Variants in ARHGEF18 observed in about 807,000 individuals in gnomAD.
The protein encoded by ARHGEF18 is Rho/Rac guanine nucleotide exchange factor 18, also known as rho guanine nucleotide exchange factor 18.
In ARHGEF18, 93 loss-of-function variants were observed where a neutral mutation model predicts 155.7. That is an observed-to-expected ratio of 0.60 (90% confidence interval 0.50 to 0.71). The LOEUF (loss-of-function observed/expected upper bound fraction) is 0.71, where lower values mean the gene tolerates loss of function less well. Ranked by LOEUF, ARHGEF18 falls within the 30% of genes least tolerant of loss-of-function variation. The pLI, the probability that ARHGEF18 is intolerant of heterozygous loss-of-function variation, is 0.00. For missense variants in ARHGEF18, 1,593 were observed against 1,816.1 expected, an observed-to-expected ratio of 0.88 and a Z score of 2.23; for synonymous variants, 742 against 753.1, an observed-to-expected ratio of 0.99 and a Z score of 0.24.
At chr19:7,451,444 T>C (rs996226993) in intron 16 of ARHGEF18, among the ~76,000 whole-genome samples, 178 bp downstream of exon 16, 3 of 148,524 alleles carry the variant, frequency 2.0e-5, no homozygotes, top group African/African-American at 7.4e-5. Flanking sequence ...AGTCTCACTC[T>C]GTTGCCCAGG....
intron 10 of ARHGEF18, among the ~76,000 whole-genome samples, chr19:7,407,745 G>A (rs1053957217): frequency 1.1e-4 from 17 of 151,930 alleles, no homozygotes; most frequent in Admixed American, 2.6e-4. Flanking sequence ...GGCGGATCAC[G>A]AGGTCAGGAG....
At chr19:7,367,763 A>ATATATATATACACATATATATATTT (rs1969959426) in intron 2 of ARHGEF18, among the ~76,000 whole-genome samples, 1 of 127,778 alleles carries the variant, frequency 7.8e-6, no homozygotes. Context: ...AAAAAAATAT[A>ATATATATATACACATATATATATTT]TATATATATA....
At chr19:7,367,616 G>A (rs113431592) in intron 2 of ARHGEF18, among the ~76,000 whole-genome samples, 1,515 of 149,486 alleles carry the variant, frequency 0.01, 43 homozygotes, top group African/African-American at 0.035. Flanking sequence ...TGTGGTGGTG[G>A]ACACCTGTAA....
At position 7,434,563 on chromosome 19, in the gene ARHGEF18, G is replaced by A. The variant is rs143355418; in HGVS notation, c.968-5781G>A. Among the ~76,000 whole-genome samples, 4 of 152,310 alleles carry A rather than the reference G, an allele frequency of 2.6e-5. No homozygotes were observed. In the East Asian group the frequency reaches 7.7e-4, roughly 29 times the overall value. On this transcript the variant is annotated intron_variant, in intron 10 of 28. Coordinates refer to ENST00000668164, the MANE Select transcript of ARHGEF18 (RefSeq NM_001367823.1). ...GGGCAGGAGGCGCTAATTAGACTCT[G>A]AGTAGCTTTTGCAGCTGCACAGAAA...
intron 10 of ARHGEF18, among the ~76,000 whole-genome samples, chr19:7,412,849 C>A (rs1332406862): frequency 6.6e-6 from 1 of 151,938 alleles, no homozygotes; most frequent in African/African-American, 2.4e-5. Flanking sequence ...AGCGTCTTTT[C>A]ATGTGCTGAC....
At chr19:7,479,483 C>T in the ARHGEF18 span, among the ~76,000 whole-genome samples, 1 of 152,142 alleles carries the variant, frequency 6.6e-6, no homozygotes, top group African/African-American at 2.4e-5. Context: ...GACTGTGTCT[C>T]AAGAAAAGAA....
At chr19:7,464,777 T>G in intron 23 of ARHGEF18, 87 bp downstream of exon 23, 1 of 1,525,056 alleles carries the variant, frequency 6.6e-7, no homozygotes, top group Non-Finnish European at 8.9e-7. Context: ...TTGTCCAGTT[T>G]TAGTCTTATT....
At position 7,445,499 on chromosome 19, in the gene ARHGEF18, T is replaced by C. The variant is rs376354489; in HGVS notation, c.1611+1045T>C. Among the ~76,000 whole-genome samples, 10 of 152,226 alleles carry C rather than the reference T, an allele frequency of 6.6e-5. No individual in the cohort carries two copies. In the East Asian group the frequency reaches 1.2e-3, roughly 18 times the overall value. The stretch of plus-strand genomic sequence containing the variant: ...ACCAGCACCAACCGTGGTAGTGGTA[T>C]TAACCCCAAATGATCACCCTAGGCC... On this transcript the variant is annotated intron_variant, in intron 14 of 28. Coordinates refer to ENST00000668164, the MANE Select transcript of ARHGEF18 (RefSeq NM_001367823.1).
intron 5 of ARHGEF18, 130 bp from the exon 6 acceptor site, chr19:7,378,264 G>A: frequency 1.8e-6 from 1 of 570,418 alleles, no homozygotes; most frequent in Non-Finnish European, 2.6e-6. Context: ...TTGCCTGAGA[G>A]TACAGGCCCT....
chr19:7,414,670 ATGG>A (rs1163082037), intron 10 of ARHGEF18, among the ~76,000 whole-genome samples: 1 of 152,170 alleles, frequency 6.6e-6, no homozygotes, highest in Non-Finnish European at 1.5e-5. Context: ...TTAGCTGGGC[ATGG>A]TGGTGCGTGC....
At chr19:7,418,651 A>T (rs1428322202) in intron 10 of ARHGEF18, among the ~76,000 whole-genome samples, 15 of 151,782 alleles carry the variant, frequency 9.9e-5, no homozygotes, top group Non-Finnish European at 2.9e-5. Flanking sequence ...GGCAGGGTGC[A>T]GTTAGGTCCC....
At chr19:7,381,572 C>T (rs891164528) in intron 8 of ARHGEF18, among the ~76,000 whole-genome samples, 3 of 151,658 alleles carry the variant, frequency 2.0e-5, no homozygotes, top group East Asian at 1.9e-4. Flanking sequence ...CAGCTACTCA[C>T]GAGGCTGAGG....
Position 7,383,204 on chromosome 19 carries a change from G to A in ARHGEF18, c.967+1G>A. ...TGTGGCAAACCTTTCTTGAGCTCAG[G>A]TAAGTCTGGTGGCCCAATCCATCCT... On this transcript the variant is annotated splice_donor_variant, in intron 10 of 28. Coordinates refer to ENST00000668164, the MANE Select transcript of ARHGEF18 (RefSeq NM_001367823.1). LOFTEE classifies it high-confidence loss of function. 1 of 1,232,350 alleles carries A rather than the reference G, an allele frequency of 8.1e-7. No individual in the cohort carries two copies. Among genetic ancestry groups the A allele is most frequent in the Non-Finnish European group, 1.0e-6 (1 of 988,138 alleles). The allele number at this position is 1,232,350 out of a possible 1,614,324, so 76.3% of individuals were successfully genotyped here.
intron 2 of ARHGEF18, among the ~76,000 whole-genome samples, chr19:7,367,772 T>TATAC (rs1477433599): frequency 2.5e-5 from 3 of 120,560 alleles, no homozygotes; most frequent in African/African-American, 1.2e-4. Context: ...TATATATATA[T>TATAC]ACACATATAT....
chr19:7,477,294 A>G (rs1438850287), downstream of ARHGEF18: 2 of 1,577,550 alleles, frequency 1.3e-6, no homozygotes, highest in Non-Finnish European at 1.7e-6. Context: ...CCCACTAGCC[A>G]CGGCGGGAAG....
At chr19:7,412,426 A>G (rs1450859966) in intron 10 of ARHGEF18, among the ~76,000 whole-genome samples, 1 of 151,800 alleles carries the variant, frequency 6.6e-6, no homozygotes, top group Non-Finnish European at 1.5e-5. Flanking sequence ...TCACCGAGAC[A>G]CTTAATTTTC....
intron 10 of ARHGEF18, among the ~76,000 whole-genome samples, chr19:7,389,894 G>C (rs1168658987): frequency 6.6e-6 from 1 of 152,094 alleles, no homozygotes; most frequent in Admixed American, 6.6e-5. Flanking sequence ...AGAAAGATTT[G>C]AGTTTGTGTG....
Position 7,471,592 on chromosome 19 carries a change from G to A in ARHGEF18, c.*1294G>A, listed in dbSNP as rs149051326. ...CAGGGTCCTGGGAACTGCAGATCCC[G>A]GGGGGATTCAGCCCTTCTCCCACTG... On this transcript the variant is annotated 3_prime_UTR_variant, in exon 29 of 29. Transcript: ENST00000668164. The surrounding 1 kb of genome is among the most constrained non-coding windows in gnomAD (Gnocchi z 4.4). 5.3e-3 allele frequency: 808 copies of A among 152,360 alleles called. 6 individuals are homozygous for A. The highest frequency in any genetic ancestry group is 0.018 in the African/African-American group (767 of 41,550). The allele number at this position is 152,360 out of a possible 1,614,324, so 9.4% of individuals were successfully genotyped here. A position where few individuals can be genotyped will look rare whatever the true frequency, so the allele number is the denominator to read the frequency against.
At chr19:7,414,539 G>T (rs1462020281) in intron 10 of ARHGEF18, among the ~76,000 whole-genome samples, 1 of 152,034 alleles carries the variant, frequency 6.6e-6, no homozygotes, top group Non-Finnish European at 1.5e-5. Flanking sequence ...GGCTGGGCAC[G>T]GTGGTTCACG....
Sources: gnomAD v4.1 joint callset for allele counts (sites outside exome capture counted in the v4.1 genomes callset) on GRCh38, gnomAD v4.1.1 for gene constraint, Gnocchi (gnomAD v3.1) non-coding constraint, MANE v1.5 for transcripts, NCBI Gene and HGNC (gene_info 2026-07-23, HGNC 2026-07-21) for gene names.